The following STARD3NL variants were observed in gnomAD, a reference collection of about 807,000 sequenced individuals.
The protein encoded by STARD3NL is STARD3 N-terminal like.
A neutral mutation model predicts 30.9 loss-of-function variants in STARD3NL; 17 were observed. The observed-to-expected ratio is 0.55, with a 90% CI of 0.38 to 0.82. STARD3NL has a LOEUF of 0.82. Among genes scored for constraint, STARD3NL ranks in the 40% least tolerant of loss-of-function variants. The pLI is 0.00. For missense variants in STARD3NL, 234 were observed against 277.6 expected (o/e 0.84, Z 1.12); for synonymous variants, 112 against 100.5 (o/e 1.11, Z -0.69).
At chr7:38,225,468 CAT>C (rs1048431981) in intron 7 of STARD3NL, among the ~76,000 whole-genome samples, 5 of 152,128 alleles carry the variant, frequency 3.3e-5, no homozygotes, top group African/African-American at 1.2e-4. Flanking sequence ...TTTAGTTTTA[CAT>C]GTTTCAATTA....
chr7:38,181,175 CTT>C (rs1302708907), intron 1 of STARD3NL, among the ~76,000 whole-genome samples: 123 of 152,246 alleles, frequency 8.1e-4, no homozygotes, highest in Non-Finnish European at 5.9e-5. Flanking sequence ...TTAAAAATGA[CTT>C]TTAAATTTTT....
chr7:38,213,762 G>A (rs1417101479), intron 2 of STARD3NL, among the ~76,000 whole-genome samples: 1 of 152,210 alleles, frequency 6.6e-6, no homozygotes, highest in Non-Finnish European at 1.5e-5. Flanking sequence ...ACAGAAAGTT[G>A]TATCAGGTTT....
chr7:38,197,960 G>T (rs1226414153), intron 1 of STARD3NL, among the ~76,000 whole-genome samples: 1 of 152,192 alleles, frequency 6.6e-6, no homozygotes, highest in Non-Finnish European at 1.5e-5. Flanking sequence ...TAACAGTGGG[G>T]GGCCTTGCAA....
chr7:38,219,734 CCT>C (rs1786342399), intron 7 of STARD3NL, 74 bp downstream of exon 7: 1 of 1,281,398 alleles, frequency 7.8e-7, no homozygotes, highest in South Asian at 1.2e-5. Flanking sequence ...TTCCCTACCC[CCT>C]CTGTTTCTCA....
At chr7:38,221,000 A>G (rs1786430511) in intron 7 of STARD3NL, among the ~76,000 whole-genome samples, 1 of 152,142 alleles carries the variant, frequency 6.6e-6, no homozygotes, top group African/African-American at 2.4e-5. Context: ...ATACTATAAC[A>G]TGTATGAACT....
At chr7:38,210,026 G>A (rs1785709694) in intron 2 of STARD3NL, among the ~76,000 whole-genome samples, 2 of 152,232 alleles carry the variant, frequency 1.3e-5, no homozygotes, top group Admixed American at 6.5e-5. Context: ...ATTGTTTTTC[G>A]ATGCCCAATT....
intron 1 of STARD3NL, among the ~76,000 whole-genome samples, chr7:38,183,832 A>G (rs933116120): frequency 2.0e-5 from 3 of 152,242 alleles, no homozygotes; most frequent in African/African-American, 7.2e-5. Flanking sequence ...CCATGTATGC[A>G]GGTGGTTCTG....
At chr7:38,208,385 C>G (rs1490819968) in intron 2 of STARD3NL, among the ~76,000 whole-genome samples, 1 of 152,130 alleles carries the variant, frequency 6.6e-6, no homozygotes, top group Non-Finnish European at 1.5e-5. Context: ...GTATTACCAA[C>G]TAATTGTTTA....
chr7:38,190,084 C>G (rs966246849), intron 1 of STARD3NL, among the ~76,000 whole-genome samples: 1 of 152,160 alleles, frequency 6.6e-6, no homozygotes, highest in Non-Finnish European at 1.5e-5. Flanking sequence ...TCAAGCCCCC[C>G]CAGGGGATGC....
chr7:38,228,740 T>C, intron 7 of STARD3NL, 59 bp from the exon 8 acceptor site: 1 of 1,411,204 alleles, frequency 7.1e-7, no homozygotes. Context: ...TTATTTAAAA[T>C]AGTTTGTTAC....
At chr7:38,191,285 A>G (rs1784675214) in intron 1 of STARD3NL, among the ~76,000 whole-genome samples, 3 of 152,196 alleles carry the variant, frequency 2.0e-5, no homozygotes, top group African/African-American at 2.4e-5. Context: ...TTTTATTTAC[A>G]ATATTACCAT....
chr7:38,219,765 T>A, intron 7 of STARD3NL, 105 bp downstream of exon 7: 1 of 889,352 alleles, frequency 1.1e-6, no homozygotes, highest in Non-Finnish European at 1.8e-6. Context: ...AGCTAACATC[T>A]AACATGCCAG....
chr7:38,180,539 G>C (rs528407747), intron 1 of STARD3NL, among the ~76,000 whole-genome samples: 1 of 152,254 alleles, frequency 6.6e-6, no homozygotes, highest in South Asian at 2.1e-4. Flanking sequence ...CGATATGCCA[G>C]GTATGTTACA....
intron 1 of STARD3NL, among the ~76,000 whole-genome samples, chr7:38,181,502 A>G (rs1360151260): frequency 6.6e-6 from 1 of 152,228 alleles, no homozygotes; most frequent in Non-Finnish European, 1.5e-5. Flanking sequence ...TATTTTAGTA[A>G]TTATGAGTGG....
At chr7:38,219,079 C>T (rs890952866) in intron 6 of STARD3NL, among the ~76,000 whole-genome samples, 2 of 152,186 alleles carry the variant, frequency 1.3e-5, no homozygotes, top group South Asian at 4.1e-4. Flanking sequence ...TATTCTGAGA[C>T]AGGGCCTCAC....
At chr7:38,222,804 G>A (rs1380409500) in intron 7 of STARD3NL, among the ~76,000 whole-genome samples, 1 of 152,196 alleles carries the variant, frequency 6.6e-6, no homozygotes, top group Non-Finnish European at 1.5e-5. Context: ...AATGGGCAGA[G>A]AAGGAGTGGT....
intron 1 of STARD3NL, among the ~76,000 whole-genome samples, chr7:38,189,350 G>A (rs1350353570): frequency 6.6e-6 from 1 of 152,170 alleles, no homozygotes; most frequent in Non-Finnish European, 1.5e-5. Context: ...AGTAAGGAGA[G>A]GAGCAGAAGG....
intron 7 of STARD3NL, among the ~76,000 whole-genome samples, chr7:38,226,152 G>GTTTTTTTTTTTTTTTTTTTTT (rs11286474): frequency 9.8e-6 from 1 of 102,474 alleles, no homozygotes; most frequent in Non-Finnish European, 1.9e-5. Flanking sequence ...TGCCTATCTT[G>GTTTTTTTTTTTTTTTTTTTTT]TTTTTTTTTT....
At chr7:38,215,702 G>A (rs970422712) in intron 4 of STARD3NL, 4 of 152,398 alleles carry the variant, frequency 2.6e-5, no homozygotes, top group African/African-American at 9.6e-5. Flanking sequence ...CCTGACAGAT[G>A]TCTGAATATT....
Sources: allele counts gnomAD v4.1 joint callset (sites outside exome capture counted in the v4.1 genomes callset), GRCh38; gene constraint gnomAD v4.1.1; transcripts MANE v1.5; gene names NCBI Gene and HGNC (gene_info 2026-07-23, HGNC 2026-07-21).